Variants in REM1 observed in about 807,000 individuals in gnomAD.
The protein encoded by REM1 is GTP-binding protein REM 1.
A neutral mutation model predicts 27.0 loss-of-function variants in REM1; 20 were observed. The observed-to-expected ratio is 0.74, with a 90% CI of 0.52 to 1.08. The LOEUF (loss-of-function observed/expected upper bound fraction) is 1.08. Ranked by LOEUF, REM1 falls within the 50% of genes least tolerant of loss-of-function variation. The pLI, the probability that REM1 is intolerant of heterozygous loss-of-function variation, is 0.00. For synonymous variants in REM1, 159 were observed against 167.9 expected (o/e 0.95, Z 0.41); for missense variants, 405 against 407.0 (o/e 1.00, Z 0.04).
intron 3 of REM1, among the ~76,000 whole-genome samples, chr20:31,479,826 A>C (rs1378716974): frequency 6.6e-6 from 1 of 152,182 alleles, no homozygotes; most frequent in Non-Finnish European, 1.5e-5. Context: ...GCGTTGGCTC[A>C]TGTCTGTAAT....
In REM1 at chr20:31,477,891, C is replaced by A; in HGVS notation, c.404C>A (p.Thr135Asn). 1 of 1,611,818 alleles carries A rather than the reference C, an allele frequency of 6.2e-7. No individual in the cohort carries two copies. The highest frequency in any genetic ancestry group is 8.5e-7 in the Non-Finnish European group (1 of 1,178,814). ...GACACCACACTGGTGGTCGTGGACACCTGGGAGGCCGAGAAACTGGTATGG... is the reference window on the plus strand; with the variant it reads ...GACACCACACTGGTGGTCGTGGACAACTGGGAGGCCGAGAAACTGGTATGG... ...GEDTTLVVVD[T>N]WEAEKLDKSW... Residue 135 changes from threonine (T) to asparagine (N), a missense_variant, in exon 3 of 5, where the codon ACC (threonine) becomes AAC (asparagine). Thr to Asn is a moderately conservative substitution (Grantham distance 65). Coordinates refer to ENST00000201979, the MANE Select transcript of REM1 (RefSeq NM_014012.6).
intron 3 of REM1, among the ~76,000 whole-genome samples, chr20:31,479,856 G>T (rs1411442419): frequency 2.0e-5 from 3 of 152,070 alleles, no homozygotes; most frequent in Non-Finnish European, 4.4e-5. Flanking sequence ...TTGGGAGGCC[G>T]AGGTGGGCAG....
intron 4 of REM1, among the ~76,000 whole-genome samples, chr20:31,482,928 G>T (rs1980784201): frequency 6.6e-6 from 1 of 152,172 alleles, no homozygotes; most frequent in Non-Finnish European, 1.5e-5. Flanking sequence ...GAGCCCAGGA[G>T]TTTGAGACCA....
rs765199898 is a variant in REM1 at position 31,477,877 on chromosome 20, G to A, written c.390G>A (p.Leu130=). Residue 130 remains leucine, a synonymous_variant, in exon 3 of 5, where the codon CTG becomes CTA. Transcript: ENST00000201979. Reference sequence around the variant, plus strand: ...CGGTGGATGGAGAAGACACCACACTGGTGGTCGTGGACACCTGGGAGGCCG... The same window carrying A: ...CGGTGGATGGAGAAGACACCACACTAGTGGTCGTGGACACCTGGGAGGCCG... ...TLTVDGEDTT[L]VVVDTWEAEK... is the part of the protein sequence containing the mutation. The A allele has an allele frequency of 6.2e-7, 1 of 1,612,830 alleles. No individual in the cohort carries two copies. The highest frequency in any genetic ancestry group is 1.1e-5 in the South Asian group (1 of 90,896).
chr20:31,481,091 G>C (rs948909562), intron 3 of REM1, among the ~76,000 whole-genome samples: 2 of 152,046 alleles, frequency 1.3e-5, no homozygotes, highest in African/African-American at 4.8e-5. Context: ...GGCCAATATC[G>C]TGAAACCCCG....
chr20:31,479,251 A>T (rs1040423514), intron 3 of REM1, among the ~76,000 whole-genome samples: 2 of 152,196 alleles, frequency 1.3e-5, no homozygotes, highest in Non-Finnish European at 2.9e-5. Flanking sequence ...TTGCTCATTC[A>T]TTCATTCAGA....
At position 31,476,431 on chromosome 20, in the gene REM1, C is replaced by T. The variant is rs1004490294; in HGVS notation, c.-15C>T. ...AGAAGGAAAGAAGGAAGAAGCAAAC[C>T]CCCCCCTACCAAAGATGACACTCAA... On this transcript the variant is annotated 5_prime_UTR_variant, in exon 2 of 5. Coordinates refer to ENST00000201979, the MANE Select transcript of REM1 (RefSeq NM_014012.6). 1.3e-6 allele frequency: 2 copies of T among 1,537,634 alleles called. No individual in the cohort carries two copies. The highest frequency in any genetic ancestry group is 4.3e-5 in the Admixed American group (2 of 46,780).
intron 3 of REM1, among the ~76,000 whole-genome samples, chr20:31,480,783 A>G (rs1444446883): frequency 6.6e-6 from 1 of 152,206 alleles, no homozygotes; most frequent in African/African-American, 2.4e-5. Flanking sequence ...GAGATGGGGA[A>G]AACTAAGACC....
chr20:31,484,271 C>T lies in REM1; in HGVS notation c.738C>T (p.Arg246=). 1 of 1,596,542 alleles carries T rather than the reference C, an allele frequency of 6.3e-7. No individual in the cohort carries two copies. The highest frequency in any genetic ancestry group is 8.5e-7 in the Non-Finnish European group (1 of 1,172,720). Residue 246 remains arginine (R), a synonymous_variant, in exon 5 of 5, where the codon CGC becomes CGT. Transcript: ENST00000201979. ...GCGTGGTGCGCCAACTGCGCTTGCG[C>T]CGCCGGGACAGTGCGGCCAAGGAAC... ...FEGVVRQLRL[R]RRDSAAKEPP... is the part of the protein sequence containing the mutation.
Position 31,475,711 on chromosome 20 carries a change from C to T in REM1, c.-220+345C>T, listed in dbSNP as rs1980470633. Among the ~76,000 whole-genome samples the T allele has an allele frequency of 6.6e-6, 1 of 152,210 alleles. No homozygotes were observed. Among genetic ancestry groups the T allele is most frequent in the Non-Finnish European group, 1.5e-5 (1 of 68,038 alleles). ...GGGCCTGACCGGCGGCAGCTCCCGT[C>T]CCCAAAAGCAGTTGGAGGCCGTAGC... On this transcript the variant is annotated intron_variant, in intron 1 of 4. Transcript: ENST00000201979. This position sits in a 1 kb window ranked among gnomAD's most constrained non-coding sequence, Gnocchi z 5.0.
In REM1 at chr20:31,484,324, T is replaced by C. The variant is rs1456292597; in HGVS notation, c.791T>C (p.Leu264Pro). ...EPPAPRRPAS[L>P]AQRARRFLAR... ...CCAGCACCCCGACGGCCGGCCAGCC[T>C]AGCCCAGCGCGCTCGTCGCTTCCTG... The change falls in exon 5 of 5, where the codon CTA (leucine) becomes CCA (proline). Residue 264 changes from leucine (L) to proline (P), a missense_variant. Physicochemically the swap from Leu to Pro is moderately conservative, Grantham distance 98. Coordinates refer to ENST00000201979, the MANE Select transcript of REM1 (RefSeq NM_014012.6). 1.9e-6 allele frequency: 3 copies of C among 1,571,642 alleles called. No individual in the cohort carries two copies. The highest frequency in any genetic ancestry group is 4.6e-5 in the East Asian group (2 of 43,066).
In REM1 at chr20:31,475,870, C is replaced by A. The variant is rs1980476781; in HGVS notation, c.-219-357C>A. On this transcript the variant is annotated intron_variant, in intron 1 of 4. Coordinates refer to ENST00000201979, the MANE Select transcript of REM1 (RefSeq NM_014012.6). The surrounding 1 kb of genome is among the most constrained non-coding windows in gnomAD (Gnocchi z 5.0). ...TCTGGAGTGCCAACCCGCCCTCCTG[C>A]CTCTTCCTCCTCAGACCCCGTGAAA... 6.6e-6 allele frequency among the ~76,000 whole-genome samples: 1 copy of A among 152,230 alleles called. No homozygotes were observed. The highest frequency in any genetic ancestry group is 1.5e-5 in the Non-Finnish European group (1 of 68,040).
chr20:31,483,195 G>A (rs1397413189), intron 4 of REM1, among the ~76,000 whole-genome samples: 1 of 152,144 alleles, frequency 6.6e-6, no homozygotes, highest in Admixed American at 6.5e-5. Context: ...AGCTACTTGG[G>A]CAGCTGATGC....
intron 3 of REM1, among the ~76,000 whole-genome samples, chr20:31,479,955 GGT>G (rs1247268474): frequency 6.6e-6 from 1 of 152,064 alleles, no homozygotes; most frequent in African/African-American, 2.4e-5. Context: ...CAGGTGTGGT[GGT>G]GCATGCCTGT....
At chr20:31,481,323 C>A (rs994483705) in intron 3 of REM1, among the ~76,000 whole-genome samples, 4 of 152,008 alleles carry the variant, frequency 2.6e-5, no homozygotes, top group Non-Finnish European at 4.4e-5. Context: ...TACCTCACAA[C>A]CACACACAGT....
chr20:31,476,050 A>G (rs1169174606), intron 1 of REM1, among the ~76,000 whole-genome samples, 177 bp from the exon 2 acceptor site: 1 of 152,232 alleles, frequency 6.6e-6, no homozygotes, highest in Non-Finnish European at 1.5e-5. Context: ...TGGCAAGGGC[A>G]GGTCCGTGTA....
Position 31,484,737 on chromosome 20 carries a change from A to C in REM1, c.*307A>C. On this transcript the variant is annotated 3_prime_UTR_variant, in exon 5 of 5. Transcript: ENST00000201979. ...CCAACCCTCAGAAACCCTCACAATA[A>C]ACCAGACCAGAAGGATGTCCCATCT... 1.1e-5 allele frequency: 4 copies of C among 362,326 alleles called. No homozygotes were observed. Among genetic ancestry groups the C allele is most frequent in the Non-Finnish European group, 9.9e-6 (2 of 201,280 alleles). 22.4% of individuals were successfully genotyped at this position (362,326 alleles called of 1,614,324 possible). A position where few individuals can be genotyped will look rare whatever the true frequency, so the allele number is the denominator to read the frequency against.
Position 31,477,919 on chromosome 20 carries a change from C to T in REM1, c.423+9C>T. The T allele has an allele frequency of 6.3e-7, 1 of 1,578,168 alleles. No homozygotes were observed. The highest frequency in any genetic ancestry group is 8.7e-7 in the Non-Finnish European group (1 of 1,149,184). On this transcript the variant is annotated intron_variant, in intron 3 of 4. Transcript: ENST00000201979. ...GGGAGGCCGAGAAACTGGTATGGCACTGCAAGCAGAATTTGGGGAGAGGGG... is the reference window on the plus strand; with the variant it reads ...GGGAGGCCGAGAAACTGGTATGGCATTGCAAGCAGAATTTGGGGAGAGGGG...
rs998717092 is a variant in REM1, at chr20:31,475,809, G to T, written c.-219-418G>T. Among the ~76,000 whole-genome samples, 1 of 152,214 alleles carries T rather than the reference G, an allele frequency of 6.6e-6. No individual in the cohort carries two copies. Among genetic ancestry groups the T allele is most frequent in the Non-Finnish European group, 1.5e-5 (1 of 68,030 alleles). On this transcript the variant is annotated intron_variant, in intron 1 of 4. Transcript: ENST00000201979. The surrounding 1 kb of genome is among the most constrained non-coding windows in gnomAD (Gnocchi z 5.0). ...GTTCCCATGGCACTAGGGCACTCGG[G>T]TTACAGTCGGGTTACCCCCATACCC...
Sources: allele counts gnomAD v4.1 joint callset (sites outside exome capture counted in the v4.1 genomes callset), GRCh38; gene constraint gnomAD v4.1.1; non-coding constraint Gnocchi (gnomAD v3.1); transcripts MANE v1.5; gene names NCBI Gene and HGNC (gene_info 2026-07-23, HGNC 2026-07-21).